The following SYT1 variants were observed in gnomAD, a reference collection of about 807,000 sequenced individuals.
SYT1 encodes synaptotagmin-1.
A neutral mutation model predicts 44.8 loss-of-function variants in SYT1; 8 were observed. That is an observed-to-expected ratio of 0.18 (90% CI 0.10 to 0.32). SYT1 has a LOEUF of 0.32. Among genes scored for constraint, SYT1 ranks in the 10% least tolerant of loss-of-function variants. The probability of loss-of-function intolerance (pLI) is 1.00; values close to 1 mark genes in which losing one functional copy is unlikely to be tolerated. For synonymous variants in SYT1, 154 were observed against 188.8 expected (o/e 0.82, Z 1.51); for missense variants, 286 against 509.3 (o/e 0.56, Z 4.22).
At chr12:79,159,717 T>C (rs1182150896) in intron 3 of SYT1, among the ~76,000 whole-genome samples, 1 of 152,136 alleles carries the variant, frequency 6.6e-6, no homozygotes, top group Non-Finnish European at 1.5e-5. Flanking sequence ...GAGATTACTG[T>C]ACACAGAAAA....
intron 1 of SYT1, among the ~76,000 whole-genome samples, chr12:78,885,719 A>C (rs1007679707): frequency 6.6e-6 from 1 of 151,998 alleles, no homozygotes; most frequent in Non-Finnish European, 1.5e-5. Flanking sequence ...AGATGGTGTA[A>C]GGCCCTGGGG....
At chr12:78,895,739 T>C (rs1875325133) in intron 1 of SYT1, among the ~76,000 whole-genome samples, 1 of 151,854 alleles carries the variant, frequency 6.6e-6, no homozygotes, top group Non-Finnish European at 1.5e-5. Context: ...GCAAAAGTAA[T>C]TGTAACTGCT....
chr12:79,088,435 T>G (rs547475964), intron 3 of SYT1, among the ~76,000 whole-genome samples: 36 of 152,220 alleles, frequency 2.4e-4, no homozygotes, highest in Admixed American at 2.0e-3. Flanking sequence ...TTTTAGGCAC[T>G]GAACGTCAGC....
rs534632277 is a variant in SYT1 at position 78,935,115 on chromosome 12, T to C, written c.-216-42684T>C. Among the ~76,000 whole-genome samples the C allele has an allele frequency of 1.7e-3, 253 of 152,312 alleles. 1 individual carries two copies. Among genetic ancestry groups the C allele is most frequent in the Middle Eastern group, 6.8e-3 (2 of 294 alleles). ...TTTAAACTGTGAGGATGGTACATCC[T>C]TGACCTAGAGAATTTTGAATCTGTC... On this transcript the variant is annotated intron_variant, in intron 1 of 10. Coordinates refer to ENST00000261205, the MANE Select transcript of SYT1 (RefSeq NM_005639.3).
At chr12:78,895,481 GA>G (rs1875308788) in intron 1 of SYT1, among the ~76,000 whole-genome samples, 1 of 151,644 alleles carries the variant, frequency 6.6e-6, no homozygotes, top group Non-Finnish European at 1.5e-5. Context: ...ATCTTCATAT[GA>G]AAAATTAAAT....
At chr12:79,367,109 G>A (rs1173068849) in intron 9 of SYT1, among the ~76,000 whole-genome samples, 1 of 152,060 alleles carries the variant, frequency 6.6e-6, no homozygotes, top group Non-Finnish European at 1.5e-5. Context: ...ATATTTCTAC[G>A]ATCTTCAGTT....
chr12:79,177,172 A>C (rs1392162457), intron 3 of SYT1, among the ~76,000 whole-genome samples: 2 of 106,616 alleles, frequency 1.9e-5, no homozygotes, highest in Non-Finnish European at 3.7e-5. Context: ...CATTAGGTAT[A>C]TCTCCCAATG....
chr12:79,308,614 A>G (rs763303325), intron 8 of SYT1, among the ~76,000 whole-genome samples: 2 of 20,148 alleles, frequency 9.9e-5, no homozygotes, highest in South Asian at 1.0e-3. Context: ...AAGAAAGAAA[A>G]AGAAAGAAAG....
chr12:78,921,932 G>A (rs1388043395), intron 1 of SYT1, among the ~76,000 whole-genome samples: 1 of 151,586 alleles, frequency 6.6e-6, no homozygotes, highest in Admixed American at 6.6e-5. Flanking sequence ...CAGTAGAAGA[G>A]CAAATTTAGG....
At chr12:79,352,187 C>G (rs1046015015) in intron 8 of SYT1, among the ~76,000 whole-genome samples, 1 of 63,918 alleles carries the variant, frequency 1.6e-5, no homozygotes, top group African/African-American at 5.6e-5. Context: ...AATGAATACA[C>G]CCCCCCCCCA....
At chr12:79,378,012 C>T (rs993904580) in intron 9 of SYT1, among the ~76,000 whole-genome samples, 3 of 152,200 alleles carry the variant, frequency 2.0e-5, no homozygotes, top group Non-Finnish European at 4.4e-5. Context: ...ACTCCCAATA[C>T]ATTTAAAAGG....
At chr12:79,057,163 C>A (rs1875008894) in intron 3 of SYT1, among the ~76,000 whole-genome samples, 1 of 151,950 alleles carries the variant, frequency 6.6e-6, no homozygotes, top group Admixed American at 6.6e-5. Context: ...AATTTTATTT[C>A]TTTTCTATTC....
chr12:79,244,068 C>T (rs1017808289), intron 4 of SYT1, among the ~76,000 whole-genome samples: 1 of 152,202 alleles, frequency 6.6e-6, no homozygotes, highest in Non-Finnish European at 1.5e-5. Context: ...TCTTACACCA[C>T]ATTTTCAATT....
At chr12:79,403,081 T>C (rs971205326) in intron 9 of SYT1, among the ~76,000 whole-genome samples, 5 of 152,232 alleles carry the variant, frequency 3.3e-5, no homozygotes, top group Non-Finnish European at 5.9e-5. Context: ...AGTCATTAGA[T>C]GACGGGTGTA....
In SYT1 at chr12:79,205,136, T is replaced by C. The variant is rs1302695230; in HGVS notation, c.-17-12367T>C. ...CCCACCACCACGACTGGCTAATTTT[T>C]TGTAATTTTAAGAGATGGGGTTTCA... On this transcript the variant is annotated intron_variant, in intron 3 of 10. Coordinates refer to ENST00000261205, the MANE Select transcript of SYT1 (RefSeq NM_005639.3). Among the ~76,000 whole-genome samples the C allele has an allele frequency of 2.6e-5, 4 of 152,020 alleles. No individual in the cohort carries two copies. In the East Asian group the frequency reaches 7.8e-4, roughly 30 times the overall value.
intron 3 of SYT1, among the ~76,000 whole-genome samples, chr12:79,060,921 G>A (rs1875334927): frequency 6.6e-6 from 1 of 152,030 alleles, no homozygotes; most frequent in Admixed American, 6.6e-5. Context: ...GATAATTTAG[G>A]ATTTATGAGT....
chr12:79,293,412 A>T (rs575946558), intron 6 of SYT1, among the ~76,000 whole-genome samples: 5 of 82,724 alleles, frequency 6.0e-5, no homozygotes, highest in African/African-American at 1.3e-4. Flanking sequence ...AAATAAAATT[A>T]AAAAATCTGT....
chr12:79,183,196 A>ATGGTATATGTAGCTTACAC (rs1421827984), intron 3 of SYT1, among the ~76,000 whole-genome samples: 17 of 152,142 alleles, frequency 1.1e-4, no homozygotes, highest in Admixed American at 2.6e-4. Flanking sequence ...CTGAGATATT[A>ATGGTATATGTAGCTTACAC]TGGTATATGT....
chr12:79,150,278 AG>A (rs1286334285), intron 3 of SYT1, among the ~76,000 whole-genome samples: 5 of 152,228 alleles, frequency 3.3e-5, no homozygotes, highest in Non-Finnish European at 7.3e-5. Flanking sequence ...AGCCATTAAA[AG>A]GGAAATTCTG....
Sources: allele counts gnomAD v4.1 joint callset (sites outside exome capture counted in the v4.1 genomes callset), GRCh38; gene constraint gnomAD v4.1.1; transcripts MANE v1.5; gene names NCBI Gene and HGNC (gene_info 2026-07-23, HGNC 2026-07-21).